Variants in LATS2 observed in about 807,000 individuals in gnomAD.
LATS2 encodes the protein serine/threonine-protein kinase LATS2.
A neutral mutation model predicts 76.0 loss-of-function variants in LATS2; 24 were observed. The observed-to-expected ratio is 0.32, with a 90% CI of 0.23 to 0.44. The LOEUF (loss-of-function observed/expected upper bound fraction) is 0.44, where lower values mean the gene tolerates loss of function less well. Ranked by LOEUF, LATS2 falls within the 20% of genes least tolerant of loss-of-function variation. The pLI is 1.00. For synonymous variants in LATS2, 692 were observed against 635.4 expected (o/e 1.09, Z -1.34); for missense variants, 1,286 against 1,481.2 (o/e 0.87, Z 2.16).
rs1288372899 is a variant in LATS2, at chr13:21,031,241, G to A, written c.342+14444C>T. ...AAGCTTCTTAGATCTGTACATGAATGCTTTTCACCACATTTGAGAAGTTTT... is the reference window on the plus strand; with the variant it reads ...AAGCTTCTTAGATCTGTACATGAATACTTTTCACCACATTTGAGAAGTTTT... On this transcript the variant is annotated intron_variant, in intron 2 of 7. Coordinates refer to ENST00000382592, the MANE Select transcript of LATS2 (RefSeq NM_014572.3). Among the ~76,000 whole-genome samples the A allele has an allele frequency of 4.6e-5, 7 of 152,188 alleles. No homozygotes were observed. The East Asian group carries it at 1.4e-3, about 29-fold the overall frequency.
At chr13:21,051,149 G>C (rs944033137) in intron 1 of LATS2, among the ~76,000 whole-genome samples, 1 of 152,198 alleles carries the variant, frequency 6.6e-6, no homozygotes, top group Non-Finnish European at 1.5e-5. Flanking sequence ...TCTCCAAGCA[G>C]ACTGCACATG....
chr13:20,983,442 C>T lies in LATS2; in HGVS notation c.2264G>A (p.Ser755Asn), dbSNP rs1464075548. 33 of 1,614,074 alleles carry T rather than the reference C, an allele frequency of 2.0e-5. No individual in the cohort carries two copies. Among genetic ancestry groups the T allele is most frequent in the Non-Finnish European group, 2.6e-5 (31 of 1,180,030 alleles). The change falls in exon 5 of 8, where the codon AGC (serine) becomes AAC (asparagine). Residue 755 changes from serine to asparagine, a missense_variant. By Grantham distance (46) the Ser-to-Asn change is conservative. Around this residue, in one of 5 missense-constraint regions of LATS2, gnomAD observed 247 missense variants for 385.4 expected, o/e 0.64. Coordinates refer to ENST00000382592, the MANE Select transcript of LATS2 (RefSeq NM_014572.3). ...GAAGACCTCCATCCGGATCAGCAGG[C>T]TCATCATGTCCCCACCAGGGATGTA... is the stretch of plus-strand genomic sequence containing the variant. ...MDYIPGGDMM[S>N]LLIRMEVFPE...
chr13:21,026,936 AT>A (rs2138372276), intron 2 of LATS2, among the ~76,000 whole-genome samples: 1 of 152,342 alleles, frequency 6.6e-6, no homozygotes, highest in East Asian at 1.9e-4. Context: ...ATATAGTAGT[AT>A]CTCATTGTGG....
intron 2 of LATS2, among the ~76,000 whole-genome samples, chr13:21,039,464 C>CT (rs1223263658): frequency 1.3e-5 from 2 of 152,094 alleles, no homozygotes; most frequent in Non-Finnish European, 2.9e-5. Context: ...TTCTCTATAG[C>CT]TTTTTTGGTG....
At position 21,018,706 on chromosome 13, in the gene LATS2, T is replaced by G. The variant is rs187607679; in HGVS notation, c.342+26979A>C. On this transcript the variant is annotated intron_variant, in intron 2 of 7. Transcript: ENST00000382592. ...TCTTGCTTTGTCGCCCTGTCTGGAGTGCAGTGGCTCGATCACGGCTGACTG... is the reference window on the plus strand; with the variant it reads ...TCTTGCTTTGTCGCCCTGTCTGGAGGGCAGTGGCTCGATCACGGCTGACTG... 2.2e-4 allele frequency among the ~76,000 whole-genome samples: 34 copies of G among 152,144 alleles called. No homozygotes were observed. In the East Asian group the frequency reaches 3.5e-3, roughly 16 times the overall value.
In LATS2 at chr13:20,983,569, C is replaced by T. The variant is rs755932669; in HGVS notation, c.2137G>A (p.Val713Ile). 43 of 1,614,030 alleles carry T rather than the reference C, an allele frequency of 2.7e-5. No homozygotes were observed. Among genetic ancestry groups the T allele is most frequent in the Non-Finnish European group, 3.6e-5 (43 of 1,180,030 alleles). Reference sequence around the variant, plus strand: ...GCCAGGATGTCCCTCTCGGCCTTGACGTGGGCCACCTGATTCCGGTTCAGG... The same window carrying T: ...GCCAGGATGTCCCTCTCGGCCTTGATGTGGGCCACCTGATTCCGGTTCAGG... ...DVLNRNQVAH[V>I]KAERDILAEA... The change falls in exon 5 of 8, where the codon GTC (valine) becomes ATC (isoleucine). Residue 713 changes from valine (V) to isoleucine (I), a missense_variant. Around this residue, in one of 5 missense-constraint regions of LATS2, gnomAD observed 247 missense variants for 385.4 expected, o/e 0.64. Transcript: ENST00000382592.
chr13:21,016,668 C>G (rs1491001409), intron 2 of LATS2, among the ~76,000 whole-genome samples: 1 of 152,222 alleles, frequency 6.6e-6, no homozygotes, highest in Non-Finnish European at 1.5e-5. Flanking sequence ...CCCCAGGAAA[C>G]AGCAGCTCTC....
chr13:21,046,227 C>A lies in LATS2; in HGVS notation c.-201G>T. On this transcript the variant is annotated 5_prime_UTR_variant, in exon 2 of 8. Transcript: ENST00000382592. ...AAAGTCTTCATTTTGAAGATTATCA[C>A]TCTCTGAAAAAGAAAATAAATGGGA... 2.1e-6 allele frequency: 1 copy of A among 469,990 alleles called. No individual in the cohort carries two copies. Among genetic ancestry groups the A allele is most frequent in the Non-Finnish European group, 3.7e-6 (1 of 266,692 alleles). The allele number at this position is 469,990 out of a possible 1,614,324, so 29.1% of individuals were successfully genotyped here. A position where few individuals can be genotyped will look rare whatever the true frequency, so the allele number is the denominator to read the frequency against.
In LATS2 at chr13:20,988,343, CGGGGCGGGGGCG is replaced by C. The variant is rs550642106; in HGVS notation, c.1425_1436del (p.Pro477_Ala480del). On this transcript the variant is annotated inframe_deletion, in exon 4 of 8. Coordinates refer to ENST00000382592, the MANE Select transcript of LATS2 (RefSeq NM_014572.3). ...CCTTGGCGTCCAAGCCCTCCGCAGC[CGGGGCGGGGGCG>C]GGGGCGGGGGCCGGGGCAGGCGCGG... 3.2e-5 allele frequency: 42 copies of C among 1,299,014 alleles called. No individual in the cohort carries two copies. In the African/African-American group the frequency reaches 3.5e-4, roughly 11 times the overall value. 80.5% of individuals were successfully genotyped at this position (1,299,014 alleles called of 1,614,324 possible).
chr13:21,050,873 C>A (rs1873248980), intron 1 of LATS2, among the ~76,000 whole-genome samples: 1 of 152,226 alleles, frequency 6.6e-6, no homozygotes, highest in African/African-American at 2.4e-5. Flanking sequence ...CCCTGGGGAG[C>A]TTTCTGGAGC....
intron 2 of LATS2, among the ~76,000 whole-genome samples, chr13:21,005,956 A>G (rs1196236554): frequency 6.6e-6 from 1 of 152,130 alleles, no homozygotes; most frequent in Non-Finnish European, 1.5e-5. Context: ...TCTACTAAAA[A>G]TACAAAATTA....
intron 2 of LATS2, among the ~76,000 whole-genome samples, chr13:21,040,118 G>T (rs1447933425): frequency 6.6e-6 from 1 of 151,916 alleles, no homozygotes; most frequent in Non-Finnish European, 1.5e-5. Context: ...CAGGCATGGT[G>T]GCCCACGCCA....
In LATS2 at chr13:20,988,402, G is replaced by A. The variant is rs1870294214; in HGVS notation, c.1378C>T (p.Pro460Ser). ...LRPEPQTAVGPSHPAWVPAPA... is the reference protein window; with the variant it reads ...LRPEPQTAVGSSHPAWVPAPA... ...GCGGGCACCCAGGCGGGGTGCGAGG[G>A]CCCCACAGCCGTCTGCGGCTCCGGC... Residue 460 changes from proline to serine, a missense_variant, in exon 4 of 8, where the codon CCC becomes TCC. By Grantham distance (74) the Pro-to-Ser change is moderately conservative (BLOSUM62 -1). Around this residue, in one of 5 missense-constraint regions of LATS2, gnomAD observed 710 missense variants for 660.9 expected, o/e 1.07. Coordinates refer to ENST00000382592, the MANE Select transcript of LATS2 (RefSeq NM_014572.3). 14 of 1,391,938 alleles carry A rather than the reference G, an allele frequency of 1.0e-5. No individual in the cohort carries two copies. The highest frequency in any genetic ancestry group is 3.1e-5 in the African/African-American group (2 of 65,536). The allele number at this position is 1,391,938 out of a possible 1,614,324, so 86.2% of individuals were successfully genotyped here.
At chr13:21,035,728 G>T (rs1485889989) in intron 2 of LATS2, among the ~76,000 whole-genome samples, 1 of 152,196 alleles carries the variant, frequency 6.6e-6, no homozygotes, top group African/African-American at 2.4e-5. Flanking sequence ...ACTGCACACT[G>T]GGATAGAAGA....
Position 20,991,292 on chromosome 13 carries a change from A to G in LATS2, c.455T>C (p.Val152Ala). Residue 152 changes from valine (V) to alanine (A), a missense_variant, in exon 3 of 8, where the codon GTC becomes GCC. Val to Ala is a moderately conservative substitution (Grantham distance 64). Coordinates refer to ENST00000382592, the MANE Select transcript of LATS2 (RefSeq NM_014572.3). This position sits in a 1 kb window ranked among gnomAD's most constrained non-coding sequence, Gnocchi z 4.9. Reference sequence around the variant, plus strand: ...CTCACCTGGGGAGGTCTGCTTAATGACCCGCACAATCTGCTCATTCCTCGG... The same window carrying G: ...CTCACCTGGGGAGGTCTGCTTAATGGCCCGCACAATCTGCTCATTCCTCGG... ...LDPRNEQIVR[V>A]IKQTSPGKGL... The G allele has an allele frequency of 1.2e-6, 2 of 1,614,052 alleles. No individual in the cohort carries two copies. The highest frequency in any genetic ancestry group is 1.7e-6 in the Non-Finnish European group (2 of 1,179,998).
At chr13:21,016,111 T>G (rs1407067037) in intron 2 of LATS2, among the ~76,000 whole-genome samples, 2 of 151,356 alleles carry the variant, frequency 1.3e-5, no homozygotes, top group Non-Finnish European at 2.9e-5. Context: ...CACCTCAGTC[T>G]CCCGAGTAGC....
intron 2 of LATS2, among the ~76,000 whole-genome samples, chr13:20,997,956 C>A (rs1370935271): frequency 2.6e-5 from 4 of 152,206 alleles, no homozygotes; most frequent in African/African-American, 9.6e-5. Context: ...AAACCATATC[C>A]TAAAGTTTTA....
chr13:21,023,399 A>C (rs1275715576), intron 2 of LATS2, among the ~76,000 whole-genome samples: 2 of 151,890 alleles, frequency 1.3e-5, no homozygotes, highest in Non-Finnish European at 2.9e-5. Context: ...GGTTCTTAAA[A>C]GTTGGAAAGA....
chr13:21,053,553 C>T (rs1354930733), intron 1 of LATS2, among the ~76,000 whole-genome samples: 1 of 152,156 alleles, frequency 6.6e-6, no homozygotes, highest in Non-Finnish European at 1.5e-5. Context: ...AATCTGCGTC[C>T]TCAGTTCCAC....
Sources: allele counts gnomAD v4.1 joint callset (sites outside exome capture counted in the v4.1 genomes callset), GRCh38; gene constraint gnomAD v4.1.1; regional missense constraint gnomAD v4.1.1; non-coding constraint Gnocchi (gnomAD v3.1); transcripts MANE v1.5; gene names NCBI Gene and HGNC (gene_info 2026-07-23, HGNC 2026-07-21).